ATP6V1E2: variants seen among roughly 807,000 people sequenced by gnomAD.
ATP6V1E2 encodes the protein V-type proton ATPase subunit E 2.
For missense variants in ATP6V1E2, 308 were observed against 273.3 expected (o/e 1.13, Z -0.90); for synonymous variants, 121 against 104.2 (o/e 1.16, Z -0.98).
intron 2 of ATP6V1E2, among the ~76,000 whole-genome samples, chr2:46,538,798 T>G (rs1667575150): frequency 6.6e-6 from 1 of 152,174 alleles, no homozygotes; most frequent in African/African-American, 2.4e-5. Flanking sequence ...ACTCCTGCTG[T>G]GAATCCCAAA....
At chr2:46,513,144 T>A (rs1315597743) in intron 4 of ATP6V1E2, among the ~76,000 whole-genome samples, 2 of 152,056 alleles carry the variant, frequency 1.3e-5, no homozygotes, top group African/African-American at 4.8e-5. Flanking sequence ...GGAAAGCATA[T>A]CCACATTTGG....
At chr2:46,525,484 A>AAAAAAAAAAG in intron 4 of ATP6V1E2, among the ~76,000 whole-genome samples, 1 of 148,948 alleles carries the variant, frequency 6.7e-6, no homozygotes, top group African/African-American at 2.5e-5. Context: ...AAAGAAAAAA[A>AAAAAAAAAAG]AAAAAGAAAG....
At chr2:46,514,028 C>T (rs1445791094) in intron 4 of ATP6V1E2, among the ~76,000 whole-genome samples, 2 of 151,928 alleles carry the variant, frequency 1.3e-5, no homozygotes, top group Non-Finnish European at 1.5e-5. Context: ...GCCTGTAATC[C>T]CAGCACTTTG....
At chr2:46,521,439 G>A (rs1666619989) in intron 4 of ATP6V1E2, among the ~76,000 whole-genome samples, 1 of 152,186 alleles carries the variant, frequency 6.6e-6, no homozygotes. Flanking sequence ...GCAAATATGA[G>A]GTCAGATGTG....
chr2:46,521,621 G>C (rs566669447), intron 4 of ATP6V1E2, among the ~76,000 whole-genome samples: 5 of 152,268 alleles, frequency 3.3e-5, no homozygotes, highest in Non-Finnish European at 5.9e-5. Flanking sequence ...GAGAAGTAAT[G>C]ACTCCTTTGG....
At position 46,530,266 on chromosome 2, in the gene ATP6V1E2, C is replaced by A. The variant is rs920027576; in HGVS notation, c.-102+5547G>T. ...GCCAGGAGAGAAGCACTGGGCTGAA[C>A]AGAAGCTGAGAAGAGGTTCAGGCCT... On this transcript the variant is annotated intron_variant, in intron 4 of 4. Coordinates refer to ENST00000522587, the MANE Select transcript of ATP6V1E2 (RefSeq NM_001318063.2). This position sits in a 1 kb window ranked among gnomAD's most constrained non-coding sequence, Gnocchi z 5.2. 1.5e-4 allele frequency among the ~76,000 whole-genome samples: 23 copies of A among 152,138 alleles called. No homozygotes were observed. Among genetic ancestry groups the A allele is most frequent in the African/African-American group, 5.6e-4 (23 of 41,408 alleles).
rs113101588 is a variant in ATP6V1E2, at chr2:46,512,581, C to T, written c.131G>A (p.Arg44His). The T allele has an allele frequency of 3.7e-4, 593 of 1,614,208 alleles. 4 individuals are homozygous for T. The African/African-American group carries it at 5.5e-3, about 15-fold the overall frequency. ...CTTCAGTCGTTGGGTTTGCACGAGG[C>T]GTCCTTTCTCAATGTTAAACTCTTC... is the stretch of plus-strand genomic sequence containing the variant. ...AEEEFNIEKG[R>H]LVQTQRLKIM... Residue 44 changes from arginine to histidine, a missense_variant, in exon 5 of 5, where the codon CGC (arginine) becomes CAC (histidine). Transcript: ENST00000522587.
Position 46,530,756 on chromosome 2 carries a change from G to T in ATP6V1E2, c.-102+5057C>A, listed in dbSNP as rs150425561. 6.6e-6 allele frequency among the ~76,000 whole-genome samples: 1 copy of T among 152,342 alleles called. No individual in the cohort carries two copies. Among genetic ancestry groups the T allele is most frequent in the Non-Finnish European group, 1.5e-5 (1 of 68,034 alleles). ...GGAGGCCTTACAATCATGGCAGAAA[G>T]CAAAGGGGAAGCAAGACACGTCTTA... On this transcript the variant is annotated intron_variant, in intron 4 of 4. Transcript: ENST00000522587. This position sits in a 1 kb window ranked among gnomAD's most constrained non-coding sequence, Gnocchi z 5.2.
chr2:46,533,150 T>G (rs1477650752), intron 4 of ATP6V1E2, among the ~76,000 whole-genome samples: 1 of 149,894 alleles, frequency 6.7e-6, no homozygotes, highest in Admixed American at 6.7e-5. Flanking sequence ...TAACATATTA[T>G]ATATCTAACA....
Position 46,511,892 on chromosome 2 carries a change from T to A in ATP6V1E2, c.*139A>T, listed in dbSNP as rs1687472339. 1.4e-6 allele frequency: 1 copy of A among 728,548 alleles called. No individual in the cohort carries two copies. The highest frequency in any genetic ancestry group is 2.9e-5 in the East Asian group (1 of 33,906). The allele number at this position is 728,548 out of a possible 1,614,324, so 45.1% of individuals were successfully genotyped here. A position where few individuals can be genotyped will look rare whatever the true frequency, so the allele number is the denominator to read the frequency against. On this transcript the variant is annotated 3_prime_UTR_variant, in exon 5 of 5. Transcript: ENST00000522587. Reference sequence around the variant, plus strand: ...TTTATTTCAAAGTTAACACTTTAGCTATCCAAAGGGTATTTCGTGAAGAAA... The same window carrying A: ...TTTATTTCAAAGTTAACACTTTAGCAATCCAAAGGGTATTTCGTGAAGAAA...
intron 2 of ATP6V1E2, among the ~76,000 whole-genome samples, chr2:46,538,251 C>G (rs1349098148): frequency 6.6e-6 from 1 of 152,166 alleles, no homozygotes; most frequent in Non-Finnish European, 1.5e-5. Context: ...GTGACCTTCC[C>G]AAATGACAGG....
intron 4 of ATP6V1E2, among the ~76,000 whole-genome samples, chr2:46,522,284 CAAA>C (rs57921616): frequency 7.3e-6 from 1 of 136,108 alleles, no homozygotes; most frequent in African/African-American, 2.7e-5. Context: ...ACTCTGTCTC[CAAA>C]AAAAAAAAAA....
At chr2:46,539,126 G>C (rs1270912652) in intron 2 of ATP6V1E2, among the ~76,000 whole-genome samples, 3 of 152,028 alleles carry the variant, frequency 2.0e-5, no homozygotes, top group Admixed American at 1.3e-4. Flanking sequence ...TTTAGCAGAA[G>C]CAAATGGTGC....
At chr2:46,533,294 G>A (rs904647449) in intron 4 of ATP6V1E2, among the ~76,000 whole-genome samples, 1 of 151,710 alleles carries the variant, frequency 6.6e-6, no homozygotes, top group African/African-American at 2.4e-5. Flanking sequence ...GTTTTTTTGA[G>A]ACATGGTCTG....
At chr2:46,517,292 T>G (rs951721854) in intron 4 of ATP6V1E2, among the ~76,000 whole-genome samples, 2 of 152,110 alleles carry the variant, frequency 1.3e-5, no homozygotes, top group South Asian at 4.1e-4. Context: ...TGCAAAAGAA[T>G]GAAATTGGAC....
chr2:46,529,320 G>A (rs1667070432), intron 4 of ATP6V1E2, among the ~76,000 whole-genome samples: 1 of 152,368 alleles, frequency 6.6e-6, no homozygotes. Context: ...TGGTTTGCAA[G>A]GAAAAGACTG....
chr2:46,522,150 A>G (rs916890875), intron 4 of ATP6V1E2, among the ~76,000 whole-genome samples: 4 of 151,200 alleles, frequency 2.6e-5, no homozygotes, highest in African/African-American at 7.3e-5. Flanking sequence ...ATTAGCCAGG[A>G]ATGATGGTGT....
intron 4 of ATP6V1E2, among the ~76,000 whole-genome samples, chr2:46,526,841 GTATATAAA>G (rs1462315212): frequency 2.0e-5 from 3 of 152,164 alleles, no homozygotes; most frequent in Non-Finnish European, 4.4e-5. Context: ...ATGAACATGG[GTATATAAA>G]TATCTGTTCA....
In ATP6V1E2 at chr2:46,536,295, C is replaced by T. The variant is rs1667440722; in HGVS notation, c.-217+316G>A. Among the ~76,000 whole-genome samples the T allele has an allele frequency of 2.0e-5, 3 of 152,370 alleles. No homozygotes were observed. In the South Asian group the frequency reaches 6.2e-4, roughly 32 times the overall value. On this transcript the variant is annotated intron_variant, in intron 3 of 4. Coordinates refer to ENST00000522587, the MANE Select transcript of ATP6V1E2 (RefSeq NM_001318063.2). ...ATGAAAACCAGGCAAACCAATCCTA[C>T]TGGATTTATTTATCAGCGTGATCAT...
Sources: allele counts gnomAD v4.1 joint callset (sites outside exome capture counted in the v4.1 genomes callset), GRCh38; gene constraint gnomAD v4.1.1; non-coding constraint Gnocchi (gnomAD v3.1); transcripts MANE v1.5; gene names NCBI Gene and HGNC (gene_info 2026-07-23, HGNC 2026-07-21).